Variants in FAM53A observed in about 807,000 individuals in gnomAD.
FAM53A encodes the protein protein FAM53A.
A neutral mutation model predicts 26.6 loss-of-function variants in FAM53A; 28 were observed. That is an observed-to-expected ratio of 1.05 (90% CI 0.78 to 1.45). The LOEUF (loss-of-function observed/expected upper bound fraction) is 1.45, where lower values mean the gene tolerates loss of function less well. Ranked by LOEUF, FAM53A falls within the 40% of genes most tolerant of loss-of-function variation. The probability of loss-of-function intolerance (pLI) is 0.00; values close to 1 mark genes in which losing one functional copy is unlikely to be tolerated. For synonymous variants in FAM53A, 290 were observed against 253.1 expected, an observed-to-expected ratio of 1.15 and a Z score of -1.38; for missense variants, 650 against 575.8, an observed-to-expected ratio of 1.13 and a Z score of -1.32.
At chr4:1,650,261 AAGGCGTGGCGTTTGACTGTGAGGTGGCAC>A (rs1712649652) in intron 4 of FAM53A, among the ~76,000 whole-genome samples, 3 of 48,414 alleles carry the variant, frequency 6.2e-5, no homozygotes, top group Non-Finnish European at 1.2e-4. Context: ...TGAGGTGGCA[AAGGCGTGGCGTTTGACTGTGAGGTGGCAC>A]AGGCGTGGTG....
At chr4:1,680,632 A>G (rs55708390) in intron 1 of FAM53A, among the ~76,000 whole-genome samples, 13,244 of 152,266 alleles carry the variant, frequency 0.087, 1,671 homozygotes, top group African/African-American at 0.28. Context: ...AATATTATTT[A>G]GCACTAAAAA....
the FAM53A span, among the ~76,000 whole-genome samples, chr4:1,611,882 A>C: frequency 6.6e-6 from 1 of 152,226 alleles, no homozygotes; most frequent in African/African-American, 2.4e-5. Context: ...CCGAGAGCTA[A>C]AGTTCCTTGA....
rs186124644 is a variant in FAM53A at position 1,625,604 on chromosome 4, G to A, written c.432-7493C>T. ...ACGCCAGGTGATCAGAAGCCCCCAT[G>A]TCCCGACCCACGTGGTCAGGGTCAC... On this transcript the variant is annotated intron_variant, in intron 1 of 1. Coordinates refer to the FAM53A transcript ENST00000489029. Among the ~76,000 whole-genome samples, 353 of 84,782 alleles carry A rather than the reference G, an allele frequency of 4.2e-3. 24 individuals carry two copies. Among genetic ancestry groups the A allele is most frequent in the African/African-American group, 0.017 (328 of 19,330 alleles). 55.6% of individuals were successfully genotyped at this position (84,782 alleles called of 152,430 possible). A position where few individuals can be genotyped will look rare whatever the true frequency, so the allele number is the denominator to read the frequency against.
At chr4:1,639,767 C>A (rs1405890676), downstream of FAM53A, 1 of 152,294 alleles carries the variant, frequency 6.6e-6, no homozygotes, top group African/African-American at 2.4e-5. Context: ...CCACTCGCCA[C>A]CTTTGCCCAC....
intron 2 of FAM53A, among the ~76,000 whole-genome samples, chr4:1,668,298 C>T (rs1348388835): frequency 1.3e-5 from 2 of 152,076 alleles, no homozygotes; most frequent in Non-Finnish European, 2.9e-5. Context: ...TGCTACCGTG[C>T]CCGGCTAATT....
the FAM53A span, among the ~76,000 whole-genome samples, chr4:1,607,597 C>A: frequency 6.6e-6 from 1 of 152,048 alleles, no homozygotes; most frequent in South Asian, 2.1e-4. Context: ...CCACTGATGT[C>A]CCCTAATCCA....
the FAM53A span, among the ~76,000 whole-genome samples, chr4:1,606,205 ATT>A: frequency 7.7e-5 from 11 of 143,480 alleles, no homozygotes; most frequent in African/African-American, 2.3e-4. Flanking sequence ...CACCTGGATA[ATT>A]TTTTTTTTTT....
the FAM53A span, among the ~76,000 whole-genome samples, chr4:1,599,032 G>A: frequency 2.6e-5 from 4 of 152,382 alleles, no homozygotes; most frequent in East Asian, 3.9e-4. The surrounding 1 kb of genome is among the most constrained non-coding windows in gnomAD (Gnocchi z 6.1). Context: ...TCCCCGGCCC[G>A]CTTCCCTCCT....
chr4:1,596,103 G>A, the FAM53A span, among the ~76,000 whole-genome samples: 1 of 152,336 alleles, frequency 6.6e-6, no homozygotes, highest in Non-Finnish European at 1.5e-5. Context: ...AGTGCACACA[G>A]AGACAGAGGG....
chr4:1,644,162 C>A, intron 4 of FAM53A: 1 of 1,531,520 alleles, frequency 6.5e-7, no homozygotes, highest in Non-Finnish European at 8.7e-7. Flanking sequence ...ACTACACACG[C>A]ACCGGGGTGG....
At chr4:1,670,024 C>T (rs533997556) in intron 1 of FAM53A, among the ~76,000 whole-genome samples, 85 of 152,330 alleles carry the variant, frequency 5.6e-4, no homozygotes, top group African/African-American at 2.0e-3. Flanking sequence ...GAAGGCAACC[C>T]GTAGGCAGCA....
intron 1 of FAM53A, among the ~76,000 whole-genome samples, chr4:1,670,809 C>T (rs904390605): frequency 1.3e-5 from 2 of 152,212 alleles, no homozygotes; most frequent in Admixed American, 6.5e-5. Flanking sequence ...CTGCACACCC[C>T]ACGCTGGTCG....
chr4:1,598,787 C>T, the FAM53A span, among the ~76,000 whole-genome samples: 878 of 152,314 alleles, frequency 5.8e-3, 5 homozygotes, highest in African/African-American at 0.02. Flanking sequence ...GTTTAAGAGC[C>T]GCAGGATGGA....
the FAM53A span, among the ~76,000 whole-genome samples, chr4:1,595,589 A>G: frequency 1.1e-3 from 164 of 152,266 alleles, no homozygotes; most frequent in Admixed American, 3.2e-3. Context: ...CGGCAGACAA[A>G]AAAACAGCAC....
chr4:1,601,812 A>G, the FAM53A span, among the ~76,000 whole-genome samples: 1 of 102,392 alleles, frequency 9.8e-6, no homozygotes, highest in Non-Finnish European at 2.3e-5. Context: ...CCTGACCCAA[A>G]GTGCCCGATG....
chr4:1,643,623 G>A (rs1023611607), intron 4 of FAM53A, among the ~76,000 whole-genome samples: 65 of 147,628 alleles, frequency 4.4e-4, no homozygotes, highest in Non-Finnish European at 7.7e-4. Context: ...CTGGAGTGCA[G>A]AGGTGCAATC....
rs756629181 is a variant in FAM53A at position 1,657,464 on chromosome 4, T to C, written c.80A>G (p.Gln27Arg). 1.9e-6 allele frequency: 3 copies of C among 1,613,734 alleles called. No individual in the cohort carries two copies. The change falls in exon 3 of 5, where the codon CAG becomes CGG. Residue 27 changes from glutamine to arginine, a missense_variant. Coordinates refer to ENST00000308132, the MANE Select transcript of FAM53A (RefSeq NM_001174070.3). ...CTTGTTCAGGGTTTCCGCAGAATAC[T>C]GCAACTGACAGGAAAGAGAAGTTTC... ...LTCKAEAGPL[Q>R]YSAETLNKSG...
the FAM53A span, among the ~76,000 whole-genome samples, chr4:1,587,672 G>A: frequency 1.3e-5 from 2 of 151,894 alleles, no homozygotes; most frequent in African/African-American, 4.8e-5. Context: ...ACTCTGCCTC[G>A]AAAATAAAAA....
chr4:1,673,462 G>A (rs887759813), intron 1 of FAM53A, among the ~76,000 whole-genome samples: 2 of 152,230 alleles, frequency 1.3e-5, no homozygotes, highest in Admixed American at 6.5e-5. Flanking sequence ...GGCTGGGCGC[G>A]GTGGCTCATG....
Sources: allele counts gnomAD v4.1 joint callset (sites outside exome capture counted in the v4.1 genomes callset), GRCh38; gene constraint gnomAD v4.1.1; non-coding constraint Gnocchi (gnomAD v3.1); transcripts MANE v1.5; gene names NCBI Gene and HGNC (gene_info 2026-07-23, HGNC 2026-07-21).